Variants in SOCS2 observed in about 807,000 individuals in gnomAD.
SOCS2 encodes the protein suppressor of cytokine signaling 2.
A neutral mutation model predicts 18.6 loss-of-function variants in SOCS2; 10 were observed. The observed-to-expected ratio is 0.54, with a 90% confidence interval of 0.33 to 0.91. The LOEUF (loss-of-function observed/expected upper bound fraction) is 0.91. Among genes scored for constraint, SOCS2 ranks in the 40% least tolerant of loss-of-function variants. The pLI is 0.02. For synonymous variants in SOCS2, 104 were observed against 104.0 expected, an observed-to-expected ratio of 1.00 and a Z score of 0.00; for missense variants, 231 against 247.2, an observed-to-expected ratio of 0.93 and a Z score of 0.44.
chr12:93,598,210 C>T, the SOCS2 span, among the ~76,000 whole-genome samples: 1 of 152,064 alleles, frequency 6.6e-6, no homozygotes, highest in African/African-American at 2.4e-5. Flanking sequence ...GAAGGAAGAG[C>T]AAGTGTTGAT....
the SOCS2 span, among the ~76,000 whole-genome samples, chr12:93,600,282 A>G: frequency 2.0e-5 from 3 of 152,198 alleles, no homozygotes; most frequent in Admixed American, 6.5e-5. Context: ...TTTGTAATAT[A>G]TCAAGTTTTC....
chr12:93,584,356 T>A (rs1393401791), downstream of SOCS2, among the ~76,000 whole-genome samples: 1 of 152,226 alleles, frequency 6.6e-6, no homozygotes, highest in Non-Finnish European at 1.5e-5. Context: ...AGTGACTCCA[T>A]TTTGATTAAA....
chr12:93,580,618 C>CAAAAAAA (rs35305411), downstream of SOCS2, among the ~76,000 whole-genome samples: 43 of 73,044 alleles, frequency 5.9e-4, no homozygotes, highest in East Asian at 2.1e-3. Flanking sequence ...GAGACTGTCT[C>CAAAAAAA]AAAAAAAAAA....
the SOCS2 span, among the ~76,000 whole-genome samples, chr12:93,605,236 T>C: frequency 6.6e-6 from 1 of 152,128 alleles, no homozygotes. Flanking sequence ...TCTTTATCGC[T>C]CTCTTAAACG....
At chr12:93,581,245 T>C (rs1954535310), downstream of SOCS2, among the ~76,000 whole-genome samples, 2 of 152,174 alleles carry the variant, frequency 1.3e-5, no homozygotes. Context: ...ATGCTATAAA[T>C]TAAGACTCTC....
chr12:93,611,720 T>C, the SOCS2 span, among the ~76,000 whole-genome samples: 1 of 152,232 alleles, frequency 6.6e-6, no homozygotes, highest in Non-Finnish European at 1.5e-5. Flanking sequence ...GCACAATTTA[T>C]CCAATTTCTG....
At chr12:93,616,467 A>T in the SOCS2 span, among the ~76,000 whole-genome samples, 1 of 152,164 alleles carries the variant, frequency 6.6e-6, no homozygotes, top group Non-Finnish European at 1.5e-5. Context: ...GTTTCTGTTT[A>T]TTTCTTGCTC....
At chr12:93,623,776 C>G in the SOCS2 span, among the ~76,000 whole-genome samples, 1 of 152,136 alleles carries the variant, frequency 6.6e-6, no homozygotes, top group Non-Finnish European at 1.5e-5. Context: ...GCGATCTCAG[C>G]TCACTGCAAC....
chr12:93,600,831 C>G, the SOCS2 span, among the ~76,000 whole-genome samples: 5 of 150,706 alleles, frequency 3.3e-5, no homozygotes, highest in South Asian at 1.0e-3. Context: ...ATCTGTCACC[C>G]GGGCTGGAGT....
the SOCS2 span, among the ~76,000 whole-genome samples, chr12:93,609,098 TA>T: frequency 1.3e-5 from 2 of 150,202 alleles, no homozygotes; most frequent in Non-Finnish European, 3.0e-5. Flanking sequence ...TGTCTCTATT[TA>T]AAAATAAATA....
At chr12:93,593,681 TG>T in the SOCS2 span, among the ~76,000 whole-genome samples, 2 of 152,184 alleles carry the variant, frequency 1.3e-5, no homozygotes. Context: ...CCAAATTACC[TG>T]CTTATCTGGA....
chr12:93,614,908 C>T, the SOCS2 span, among the ~76,000 whole-genome samples: 1 of 151,366 alleles, frequency 6.6e-6, no homozygotes, highest in East Asian at 1.9e-4. Context: ...GCCACAGCGC[C>T]CGGCGCCTTG....
chr12:93,612,165 C>T, the SOCS2 span, among the ~76,000 whole-genome samples: 1 of 152,256 alleles, frequency 6.6e-6, no homozygotes, highest in East Asian at 1.9e-4. Flanking sequence ...AAACATGAGA[C>T]CTGCCCATTT....
At chr12:93,622,939 T>G in the SOCS2 span, among the ~76,000 whole-genome samples, 1 of 151,886 alleles carries the variant, frequency 6.6e-6, no homozygotes, top group Non-Finnish European at 1.5e-5. Context: ...AATAAAAAAA[T>G]CACTTTCAGT....
At chr12:93,593,043 C>G in the SOCS2 span, among the ~76,000 whole-genome samples, 1 of 150,982 alleles carries the variant, frequency 6.6e-6, no homozygotes, top group Admixed American at 6.6e-5. Flanking sequence ...GTCCCCTTAT[C>G]CTGGTTTCCT....
At chr12:93,596,532 A>G in the SOCS2 span, among the ~76,000 whole-genome samples, 1 of 152,198 alleles carries the variant, frequency 6.6e-6, no homozygotes, top group Non-Finnish European at 1.5e-5. Context: ...TGAATGTTCA[A>G]AGGAAACTGC....
chr12:93,580,151 A>T (rs1954518789), downstream of SOCS2, among the ~76,000 whole-genome samples: 1 of 152,172 alleles, frequency 6.6e-6, no homozygotes, highest in Non-Finnish European at 1.5e-5. Flanking sequence ...CGCCAGTTAA[A>T]CCATCACACA....
chr12:93,597,839 A>G, the SOCS2 span, among the ~76,000 whole-genome samples: 1 of 152,164 alleles, frequency 6.6e-6, no homozygotes. Context: ...AACTCTACCC[A>G]AAAGTTATTG....
At position 93,575,025 on chromosome 12, in the gene SOCS2, T is replaced by C. The variant is rs921977618; in HGVS notation, c.443T>C (p.Val148Ala). The C allele has an allele frequency of 6.2e-7, 1 of 1,614,148 alleles. No homozygotes were observed. Among genetic ancestry groups the C allele is most frequent in the Non-Finnish European group, 8.5e-7 (1 of 1,180,010 alleles). Residue 148 changes from valine to alanine, a missense_variant, in exon 2 of 2, where the codon GTT becomes GCT. Physicochemically the swap from Val to Ala is moderately conservative, Grantham distance 64. This residue lies in a region of SOCS2 where 122 missense variants were observed against 127.2 expected (regional missense o/e 0.96). Transcript: ENST00000551556. ...CCAGAAGCCCCCCGGAACGGCACTG[T>C]TCACCTTTATCTGACCAAACCGCTC... ...TGPEAPRNGT[V>A]HLYLTKPLYT...
Sources: gnomAD v4.1 joint callset for allele counts (sites outside exome capture counted in the v4.1 genomes callset) on GRCh38, gnomAD v4.1.1 for gene constraint, gnomAD v4.1.1 regional missense constraint, MANE v1.5 for transcripts, NCBI Gene and HGNC (gene_info 2026-07-23, HGNC 2026-07-21) for gene names.